GALNT13: variants seen among roughly 807,000 people sequenced by gnomAD.
GALNT13 encodes the protein polypeptide N-acetylgalactosaminyltransferase 13.
In GALNT13, 28 loss-of-function variants were observed where a neutral mutation model predicts 64.2. The observed-to-expected ratio is 0.44, with a 90% CI of 0.32 to 0.60. The LOEUF is 0.60. Among genes scored for constraint, GALNT13 ranks in the 20% least tolerant of loss-of-function variants. The probability of loss-of-function intolerance (pLI) is 0.05; values close to 1 mark genes in which losing one functional copy is unlikely to be tolerated. For synonymous variants in GALNT13, 214 were observed against 224.6 expected (o/e 0.95, Z 0.42); for missense variants, 577 against 669.8 (o/e 0.86, Z 1.53).
chr2:153,902,768 T>G (rs561292193), intron 2 of GALNT13, among the ~76,000 whole-genome samples: 1 of 152,198 alleles, frequency 6.6e-6, no homozygotes, highest in Admixed American at 6.6e-5. Flanking sequence ...TTGTTTTAAA[T>G]GTTAATGACT....
the GALNT13 span, among the ~76,000 whole-genome samples, chr2:153,708,274 T>A: frequency 6.6e-6 from 1 of 152,142 alleles, no homozygotes; most frequent in African/African-American, 2.4e-5. Flanking sequence ...ATGATATGAA[T>A]CTCATAGTCT....
the GALNT13 span, chr2:153,423,336 TAAC>T: frequency 6.6e-6 from 1 of 151,812 alleles, no homozygotes; most frequent in Non-Finnish European, 1.5e-5. Context: ...TATAAACTCT[TAAC>T]AAATAGGAGT....
At chr2:154,251,057 T>C (rs1370750233) in intron 7 of GALNT13, among the ~76,000 whole-genome samples, 2 of 152,052 alleles carry the variant, frequency 1.3e-5, no homozygotes, top group Non-Finnish European at 2.9e-5. Flanking sequence ...AAAGAAAGAG[T>C]ACTTTTATAT....
At chr2:153,437,954 T>C in the GALNT13 span, among the ~76,000 whole-genome samples, 2 of 152,258 alleles carry the variant, frequency 1.3e-5, no homozygotes, top group African/African-American at 2.4e-5. Flanking sequence ...GTTTTTGCAG[T>C]GGCTGGTAGC....
intron 8 of GALNT13, among the ~76,000 whole-genome samples, chr2:154,288,004 A>G (rs987040093): frequency 1.3e-5 from 2 of 152,180 alleles, no homozygotes; most frequent in African/African-American, 2.4e-5. Flanking sequence ...TCCCTGTATT[A>G]GTCCGTTCTC....
chr2:153,424,509 A>C, the GALNT13 span, among the ~76,000 whole-genome samples: 1 of 151,876 alleles, frequency 6.6e-6, no homozygotes, highest in African/African-American at 2.4e-5. Context: ...ATAAGCTGCA[A>C]ATTAACATTA....
chr2:153,235,558 C>T, the GALNT13 span, among the ~76,000 whole-genome samples: 7 of 152,072 alleles, frequency 4.6e-5, no homozygotes, highest in African/African-American at 1.7e-4. Context: ...CTTAAATCTC[C>T]ACCCAGGGGC....
At chr2:153,589,702 C>A in the GALNT13 span, among the ~76,000 whole-genome samples, 4 of 151,918 alleles carry the variant, frequency 2.6e-5, no homozygotes, top group Admixed American at 2.0e-4. Context: ...CACAAGCAAA[C>A]AGAGACAACT....
chr2:153,419,788 A>C, the GALNT13 span, among the ~76,000 whole-genome samples: 1 of 152,310 alleles, frequency 6.6e-6, no homozygotes, highest in East Asian at 1.9e-4. Flanking sequence ...TCACTGGGGG[A>C]AACTAAGTGA....
intron 3 of GALNT13, among the ~76,000 whole-genome samples, chr2:153,984,309 T>C (rs1456983742): frequency 6.6e-6 from 1 of 151,700 alleles, no homozygotes; most frequent in African/African-American, 2.4e-5. Context: ...AACACAGTCA[T>C]TATGTGTGCA....
intron 3 of GALNT13, among the ~76,000 whole-genome samples, chr2:154,044,429 CATGTAGCAAG>C (rs1174488845): frequency 2.6e-5 from 4 of 152,192 alleles, no homozygotes; most frequent in Non-Finnish European, 5.9e-5. Context: ...CAGTGTCAGT[CATGTAGCAAG>C]ATGATGTTAG....
chr2:153,588,526 A>C, the GALNT13 span, among the ~76,000 whole-genome samples: 1 of 152,158 alleles, frequency 6.6e-6, no homozygotes, highest in African/African-American at 2.4e-5. Flanking sequence ...CCCAAGCTCT[A>C]CTTTGCCCCT....
the GALNT13 span, among the ~76,000 whole-genome samples, chr2:153,366,337 C>T: frequency 6.6e-6 from 1 of 151,980 alleles, no homozygotes; most frequent in East Asian, 1.9e-4. Context: ...CAGCAAACCA[C>T]CATGGCACAC....
the GALNT13 span, among the ~76,000 whole-genome samples, chr2:153,799,066 G>A: frequency 6.6e-6 from 1 of 152,098 alleles, no homozygotes; most frequent in Non-Finnish European, 1.5e-5. Flanking sequence ...CAAGCTCACT[G>A]GCTGCCTCAC....
At chr2:153,523,797 C>CT in the GALNT13 span, among the ~76,000 whole-genome samples, 1 of 152,038 alleles carries the variant, frequency 6.6e-6, no homozygotes, top group Non-Finnish European at 1.5e-5. Flanking sequence ...ATGTTTTACT[C>CT]TTTTTTCTTC....
intron 12 of GALNT13, among the ~76,000 whole-genome samples, chr2:154,439,560 G>T (rs1048032578): frequency 6.6e-6 from 1 of 152,122 alleles, no homozygotes; most frequent in African/African-American, 2.4e-5. Flanking sequence ...AGGTAAATGA[G>T]TCTCACAGAT....
At chr2:153,223,257 G>C in the GALNT13 span, among the ~76,000 whole-genome samples, 1 of 152,226 alleles carries the variant, frequency 6.6e-6, no homozygotes, top group African/African-American at 2.4e-5. Context: ...ACTTCTATCA[G>C]TAATTGCTGG....
intron 3 of GALNT13, among the ~76,000 whole-genome samples, chr2:154,056,720 A>C (rs1699911129): frequency 6.6e-6 from 1 of 152,140 alleles, no homozygotes; most frequent in Non-Finnish European, 1.5e-5. Context: ...GTATGTTAGT[A>C]ACTCCAATTT....
chr2:154,330,944 T>C lies in GALNT13; in HGVS notation c.1156+29355T>C, dbSNP rs558386042. 2.0e-3 allele frequency among the ~76,000 whole-genome samples: 311 copies of C among 152,240 alleles called. 1 individual carries two copies. The highest frequency in any genetic ancestry group is 0.012 in the South Asian group (58 of 4,826). ...TACAACTTAATTTTCATTCACAATTTATGATTTCCCTAGTCTCAGCTGGAA... is the reference window on the plus strand; with the variant it reads ...TACAACTTAATTTTCATTCACAATTCATGATTTCCCTAGTCTCAGCTGGAA... On this transcript the variant is annotated intron_variant, in intron 9 of 12. Coordinates refer to ENST00000392825, the MANE Select transcript of GALNT13 (RefSeq NM_052917.4).
Sources: gnomAD v4.1 joint callset for allele counts (sites outside exome capture counted in the v4.1 genomes callset) on GRCh38, gnomAD v4.1.1 for gene constraint, MANE v1.5 for transcripts, NCBI Gene and HGNC (gene_info 2026-07-23, HGNC 2026-07-21) for gene names.